Variants in ARHGAP21 observed in about 807,000 individuals in gnomAD.
ARHGAP21 encodes rho GTPase-activating protein 21.
ARHGAP21 carries 38 observed loss-of-function variants against 164.6 expected under a neutral mutation model. That is an observed-to-expected ratio of 0.23 (90% CI 0.18 to 0.30). The LOEUF is 0.30. Ranked by LOEUF, ARHGAP21 falls within the 10% of genes least tolerant of loss-of-function variation. The probability of loss-of-function intolerance (pLI) is 1.00; values close to 1 mark genes in which losing one functional copy is unlikely to be tolerated. For synonymous variants in ARHGAP21, 766 were observed against 857.9 expected (o/e 0.89, Z 1.87); for missense variants, 1,822 against 2,370.7 (o/e 0.77, Z 4.81).
chr10:24,588,679 T>C (rs2076207389), intron 25 of ARHGAP21, among the ~76,000 whole-genome samples: 1 of 152,078 alleles, frequency 6.6e-6, no homozygotes, highest in African/African-American at 2.4e-5. Context: ...AAAAACTTTC[T>C]AAGAACTATA....
chr10:24,666,510 A>G (rs1305896449), intron 4 of ARHGAP21, among the ~76,000 whole-genome samples: 1 of 152,234 alleles, frequency 6.6e-6, no homozygotes, highest in Non-Finnish European at 1.5e-5. Context: ...TCAGTTATTA[A>G]GAAATAATTT....
In ARHGAP21 at chr10:24,589,274, A is replaced by G. The variant is rs367939109; in HGVS notation, c.4179T>C (p.Ser1393=). ...SDSATSDSTK[S]KGSWGSGKDQ... The stretch of plus-strand genomic sequence containing the variant: ...CAAATTGTATGAAACAATTTACCTT[A>G]GATTTTGTTGAGTCACTAGTAGCTG... Residue 1393 remains serine (S), a synonymous_variant, in exon 25 of 26, where the codon TCT becomes TCC. Coordinates refer to ENST00000396432, the MANE Select transcript of ARHGAP21 (RefSeq NM_020824.4). 2.0e-5 allele frequency: 32 copies of G among 1,607,718 alleles called. No homozygotes were observed. The highest frequency in any genetic ancestry group is 2.6e-5 in the Non-Finnish European group (31 of 1,175,610).
intron 14 of ARHGAP21, 52 bp from the exon 15 acceptor site, chr10:24,598,061 CCTTA>C (rs2076659324): frequency 1.4e-6 from 2 of 1,464,962 alleles, no homozygotes; most frequent in South Asian, 2.4e-5. Context: ...AATAAGTGAT[CCTTA>C]CTTTTTTGAG....
intron 25 of ARHGAP21, among the ~76,000 whole-genome samples, chr10:24,586,936 A>G (rs2076128052): frequency 6.6e-6 from 1 of 152,078 alleles, no homozygotes; most frequent in African/African-American, 2.4e-5. Flanking sequence ...GCTACTTGGG[A>G]GGCCGAGGTC....
At chr10:24,664,074 T>C (rs1400237376) in intron 4 of ARHGAP21, among the ~76,000 whole-genome samples, 1 of 152,204 alleles carries the variant, frequency 6.6e-6, no homozygotes. Flanking sequence ...AAAACAGCCA[T>C]AGGAAGAAGT....
At chr10:24,600,132 C>CAAAAACAA (rs1554964972) in intron 14 of ARHGAP21, among the ~76,000 whole-genome samples, 3 of 94,862 alleles carry the variant, frequency 3.2e-5, no homozygotes, top group African/African-American at 1.2e-4. Flanking sequence ...GACTTCGTTT[C>CAAAAACAA]AAAAAAAAAA....
chr10:24,621,721 C>A (rs1834559271), intron 8 of ARHGAP21, among the ~76,000 whole-genome samples: 1 of 152,062 alleles, frequency 6.6e-6, no homozygotes, highest in Non-Finnish European at 1.5e-5. Flanking sequence ...TAAATGGCTG[C>A]CAAATAAATC....
At chr10:24,648,061 A>T (rs1837752573) in intron 4 of ARHGAP21, among the ~76,000 whole-genome samples, 1 of 151,810 alleles carries the variant, frequency 6.6e-6, no homozygotes, top group Non-Finnish European at 1.5e-5. Context: ...ACTGGTCTCA[A>T]CTCCTGACCT....
intron 4 of ARHGAP21, among the ~76,000 whole-genome samples, chr10:24,637,833 C>G (rs1836537439): frequency 6.6e-6 from 1 of 151,814 alleles, no homozygotes; most frequent in Non-Finnish European, 1.5e-5. Context: ...ACTGTTACAT[C>G]TGCTGAGAGT....
intron 21 of ARHGAP21, 116 bp from the exon 22 acceptor site, chr10:24,592,128 G>A (rs1310524869): frequency 4.0e-5 from 25 of 626,052 alleles, no homozygotes; most frequent in Admixed American, 7.3e-5. Context: ...CTTTGATGTA[G>A]ATTAAAAAAA....
chr10:24,687,548 C>T (rs1248422184), intron 2 of ARHGAP21, among the ~76,000 whole-genome samples: 2 of 152,184 alleles, frequency 1.3e-5, no homozygotes, highest in Admixed American at 1.3e-4. Flanking sequence ...AACTCAAATA[C>T]AGATATGCCT....
chr10:24,631,480 C>G lies in ARHGAP21; in HGVS notation c.441-1430G>C, dbSNP rs145117818. Among the ~76,000 whole-genome samples, 375 of 152,328 alleles carry G rather than the reference C, an allele frequency of 2.5e-3. 3 individuals carry two copies. Among genetic ancestry groups the G allele is most frequent in the Non-Finnish European group, 4.1e-3 (277 of 68,036 alleles). On this transcript the variant is annotated intron_variant, in intron 6 of 25. Transcript: ENST00000396432. ...ATATCAGACATATTTTCCCCCAATACAGTCAAGAGATTAAGAAACAATCAA... is the reference window on the plus strand; with the variant it reads ...ATATCAGACATATTTTCCCCCAATAGAGTCAAGAGATTAAGAAACAATCAA...
At chr10:24,716,512 ACCAGAATGG>A (rs1845401443) in intron 2 of ARHGAP21, among the ~76,000 whole-genome samples, 1 of 152,176 alleles carries the variant, frequency 6.6e-6, no homozygotes, top group Admixed American at 6.5e-5. Context: ...AAAGCAAGAG[ACCAGAATGG>A]CTAGCACAGA....
intron 2 of ARHGAP21, among the ~76,000 whole-genome samples, chr10:24,686,390 C>A (rs1222916212): frequency 2.0e-5 from 3 of 152,152 alleles, no homozygotes; most frequent in South Asian, 2.1e-4. Context: ...GATGGCGCCA[C>A]ACACTCCAGC....
chr10:24,651,143 G>A (rs12255532), intron 4 of ARHGAP21, among the ~76,000 whole-genome samples: 12 of 152,290 alleles, frequency 7.9e-5, no homozygotes, highest in East Asian at 3.9e-4. Flanking sequence ...AGAACTTGCC[G>A]AGGGGAAGAC....
intron 6 of ARHGAP21, among the ~76,000 whole-genome samples, chr10:24,631,155 G>A (rs1835816981): frequency 2.0e-5 from 3 of 152,158 alleles, no homozygotes; most frequent in Non-Finnish European, 2.9e-5. Flanking sequence ...CTTGAGGTCA[G>A]GAGTTCGAGA....
intron 2 of ARHGAP21, chr10:24,706,420 G>A (rs1488957592): frequency 6.6e-6 from 1 of 152,440 alleles, no homozygotes; most frequent in Non-Finnish European, 1.5e-5. Context: ...CAAGAAGACA[G>A]TGTTTTTATA....
At chr10:24,646,353 T>C (rs1837569973) in intron 4 of ARHGAP21, among the ~76,000 whole-genome samples, 1 of 152,116 alleles carries the variant, frequency 6.6e-6, no homozygotes, top group South Asian at 2.1e-4. Context: ...ACAGCTCAAC[T>C]TCTATGAAAT....
At chr10:24,690,139 C>T (rs1467251513) in intron 2 of ARHGAP21, among the ~76,000 whole-genome samples, 1 of 152,010 alleles carries the variant, frequency 6.6e-6, no homozygotes, top group Non-Finnish European at 1.5e-5. Context: ...TCACTCTTCT[C>T]TTTGTTCATT....
Sources: allele counts gnomAD v4.1 joint callset (sites outside exome capture counted in the v4.1 genomes callset), GRCh38; gene constraint gnomAD v4.1.1; transcripts MANE v1.5; gene names NCBI Gene and HGNC (gene_info 2026-07-23, HGNC 2026-07-21).